The following CCNB1IP1 variants were observed in gnomAD, a reference collection of about 807,000 sequenced individuals.
CCNB1IP1 encodes the protein E3 ubiquitin-protein ligase CCNB1IP1.
A neutral mutation model predicts 25.6 loss-of-function variants in CCNB1IP1; 14 were observed. That is an observed-to-expected ratio of 0.55 (90% CI 0.36 to 0.85). The LOEUF (loss-of-function observed/expected upper bound fraction) is 0.85, where lower values mean the gene tolerates loss of function less well. Among genes scored for constraint, CCNB1IP1 ranks in the 40% least tolerant of loss-of-function variants. The probability of loss-of-function intolerance (pLI) is 0.01; values close to 1 mark genes in which losing one functional copy is unlikely to be tolerated. For missense variants in CCNB1IP1, 278 were observed against 342.4 expected (o/e 0.81, Z 1.48); for synonymous variants, 119 against 116.1 (o/e 1.02, Z -0.16).
chr14:20,332,627 T>A (rs1423711282), intron 1 of CCNB1IP1, among the ~76,000 whole-genome samples: 1 of 152,160 alleles, frequency 6.6e-6, no homozygotes, highest in Non-Finnish European at 1.5e-5. Context: ...TGCCCTGAAC[T>A]AAGGTCCCTA....
chr14:20,327,941 C>T (rs1193022892), intron 2 of CCNB1IP1, among the ~76,000 whole-genome samples: 3 of 152,154 alleles, frequency 2.0e-5, no homozygotes, highest in African/African-American at 7.2e-5. Flanking sequence ...AAATTTCTCC[C>T]ATTACCCTAG....
intron 5 of CCNB1IP1, among the ~76,000 whole-genome samples, chr14:20,315,039 T>A (rs1439658331): frequency 1.5e-5 from 2 of 133,854 alleles, no homozygotes. Context: ...TGCAGTGAGC[T>A]GAGATCGCGC....
At chr14:20,315,739 A>G (rs1882668797) in intron 5 of CCNB1IP1, 1 of 1,217,622 alleles carries the variant, frequency 8.2e-7, no homozygotes, top group East Asian at 5.7e-5. Context: ...AAATATGATT[A>G]TAGAATAGTT....
At chr14:20,315,128 C>A (rs1290634973) in intron 5 of CCNB1IP1, among the ~76,000 whole-genome samples, 3 of 45,948 alleles carry the variant, frequency 6.5e-5, no homozygotes, top group African/African-American at 1.0e-4. Context: ...ACTTCATATA[C>A]ACCTCACCAA....
In CCNB1IP1 at chr14:20,311,616, G is replaced by A. The variant is rs746781032; in HGVS notation, c.768C>T (p.Val256=). The part of the protein sequence containing the change: ...PEPSNSFFSF[V]SPSRELEQQQ... ...GCTGCTCTAATTCACGACTTGGAGA[G>A]ACAAAACTAAAAAAGCTGTTGCTGG... The change falls in exon 7 of 7, where the codon GTC becomes GTT. Residue 256 remains valine (V), a synonymous_variant. Transcript: ENST00000358932. 6.8e-6 allele frequency: 11 copies of A among 1,614,048 alleles called. No homozygotes were observed. The East Asian group carries it at 2.0e-4, about 29-fold the overall frequency.
At chr14:20,329,730 T>A (rs1415113650) in intron 1 of CCNB1IP1, among the ~76,000 whole-genome samples, 1 of 152,210 alleles carries the variant, frequency 6.6e-6, no homozygotes, top group Non-Finnish European at 1.5e-5. Context: ...TATATGGTAG[T>A]TCTATTTTTA....
intron 5 of CCNB1IP1, among the ~76,000 whole-genome samples, chr14:20,314,886 T>G (rs1340490743): frequency 6.6e-6 from 1 of 150,398 alleles, no homozygotes; most frequent in East Asian, 1.9e-4. Flanking sequence ...GGTCAGGAGA[T>G]CGAGACCATC....
At chr14:20,312,224 T>C (rs929302339) in intron 6 of CCNB1IP1, among the ~76,000 whole-genome samples, 1 of 152,156 alleles carries the variant, frequency 6.6e-6, no homozygotes, top group Non-Finnish European at 1.5e-5. Flanking sequence ...AAGACAAATG[T>C]GGACAGTGAC....
At chr14:20,315,808 C>T (rs1366932990) in intron 5 of CCNB1IP1, 2 of 1,255,080 alleles carry the variant, frequency 1.6e-6, no homozygotes, top group Non-Finnish European at 2.1e-6. Flanking sequence ...ACTCAGGAGG[C>T]TGAGGCGGGA....
At chr14:20,312,793 A>G (rs1882543939) in intron 6 of CCNB1IP1, among the ~76,000 whole-genome samples, 1 of 151,798 alleles carries the variant, frequency 6.6e-6, no homozygotes, top group Non-Finnish European at 1.5e-5. Context: ...AAAGAACCCT[A>G]TTTGGATAAC....
At chr14:20,316,138 TTAATAA>T (rs897431592) in intron 5 of CCNB1IP1, 83 bp downstream of exon 5, 1 of 1,156,880 alleles carries the variant, frequency 8.6e-7, no homozygotes, top group South Asian at 1.7e-5. Flanking sequence ...TCATAAAAAA[TTAATAA>T]TAATACAATG....
Position 20,313,519 on chromosome 14 carries a change from T to G in CCNB1IP1, c.580A>C (p.Thr194Pro), listed in dbSNP as rs193198359. The stretch of plus-strand genomic sequence containing the variant: ...TGTGCAATCATGGATGGTTCAAGGG[T>G]GCCTTCATGGTTAGCAATAGTGATG... Reference protein sequence around the residue: ...RNITIANHEGTLEPSMIAQSG... With the variant: ...RNITIANHEGPLEPSMIAQSG... Residue 194 changes from threonine (T) to proline (P), a missense_variant, in exon 6 of 7, where the codon ACC becomes CCC. Thr to Pro is a conservative substitution (Grantham distance 38, BLOSUM62 -1). Transcript: ENST00000358932. 2.5e-6 allele frequency: 4 copies of G among 1,613,754 alleles called. No homozygotes were observed. Among genetic ancestry groups the G allele is most frequent in the Non-Finnish European group, 3.4e-6 (4 of 1,179,834 alleles).
chr14:20,313,784 G>C lies in CCNB1IP1; in HGVS notation c.315C>G (p.Leu105=). ...CCTTGCTGAAATTGTATTCTTGATA[G>C]AGACGTTCCTGATGTACCTGGTTCC... The part of the protein sequence containing the change: ...FWTYQVHQER[L]YQEYNFSKAE... Residue 105 remains leucine, a synonymous_variant, in exon 6 of 7, where the codon CTC becomes CTG. Transcript: ENST00000358932. The C allele has an allele frequency of 6.3e-7, 1 of 1,578,760 alleles. No individual in the cohort carries two copies.
intron 1 of CCNB1IP1, chr14:20,330,946 T>C (rs1184786936): frequency 6.6e-6 from 1 of 152,146 alleles, no homozygotes; most frequent in Non-Finnish European, 1.5e-5. Context: ...TACTTAACAA[T>C]GAAGACTCCA....
Position 20,311,410 on chromosome 14 carries a change from G to T in CCNB1IP1, c.*140C>A. 1 of 609,986 alleles carries T rather than the reference G, an allele frequency of 1.6e-6. No homozygotes were observed. The highest frequency in any genetic ancestry group is 2.9e-6 in the Non-Finnish European group (1 of 342,472). The allele number at this position is 609,986 out of a possible 1,614,324, so 37.8% of individuals were successfully genotyped here. ...TATCTTTATTTTTTTTTAGAAACAG[G>T]GTCTCACTCTGTTGCCCAGGCTGGA... On this transcript the variant is annotated 3_prime_UTR_variant, in exon 7 of 7. Coordinates refer to ENST00000358932, the MANE Select transcript of CCNB1IP1 (RefSeq NM_021178.5).
chr14:20,312,698 C>T (rs972703216), intron 6 of CCNB1IP1, among the ~76,000 whole-genome samples: 6 of 151,218 alleles, frequency 4.0e-5, no homozygotes, highest in African/African-American at 1.5e-4. Flanking sequence ...AAGGAGAGAG[C>T]TCAGGAAGAT....
In CCNB1IP1 at chr14:20,311,492, C is replaced by A; in HGVS notation, c.*58G>T. The A allele has an allele frequency of 6.8e-7, 1 of 1,463,296 alleles. No individual in the cohort carries two copies. Among genetic ancestry groups the A allele is most frequent in the African/African-American group, 1.4e-5 (1 of 71,810 alleles). 90.6% of individuals were successfully genotyped at this position (1,463,296 alleles called of 1,614,324 possible). On this transcript the variant is annotated 3_prime_UTR_variant, in exon 7 of 7. Coordinates refer to ENST00000358932, the MANE Select transcript of CCNB1IP1 (RefSeq NM_021178.5). The stretch of plus-strand genomic sequence containing the variant: ...CTCAGACTCCTGGGCTCAAGTGATC[C>A]TCCCAGCCTCAACCTCCTAAGTAGC...
intron 4 of CCNB1IP1, among the ~76,000 whole-genome samples, chr14:20,324,046 T>C (rs1350685615): frequency 6.7e-6 from 1 of 149,640 alleles, no homozygotes; most frequent in Non-Finnish European, 1.5e-5. Flanking sequence ...CTAAAGAAAA[T>C]GTTATTCCAA....
chr14:20,312,674 T>A (rs566417906), intron 6 of CCNB1IP1, among the ~76,000 whole-genome samples: 6 of 151,816 alleles, frequency 4.0e-5, no homozygotes, highest in Non-Finnish European at 7.4e-5. Context: ...TTTTGTTGCA[T>A]AAAGAGTAGT....
Sources: gnomAD v4.1 joint callset for allele counts (sites outside exome capture counted in the v4.1 genomes callset) on GRCh38, gnomAD v4.1.1 for gene constraint, MANE v1.5 for transcripts, NCBI Gene and HGNC (gene_info 2026-07-23, HGNC 2026-07-21) for gene names.